Variants in PTPRD observed in about 807,000 individuals in gnomAD.
PTPRD encodes the protein receptor-type tyrosine-protein phosphatase delta.
In PTPRD, 34 loss-of-function variants were observed where a neutral mutation model predicts 214.5. That is an observed-to-expected ratio of 0.16 (90% CI 0.12 to 0.21). The LOEUF (loss-of-function observed/expected upper bound fraction) is 0.21. PTPRD is among the 10% of genes least tolerant of loss of function. PTPRD has a pLI of 1.00. For synonymous variants in PTPRD, 1,128 were observed against 845.7 expected (o/e 1.33, Z -5.79); for missense variants, 2,545 against 2,398.7 (o/e 1.06, Z -1.27).
At chr9:8,602,254 T>G (rs1447483624) in intron 14 of PTPRD, among the ~76,000 whole-genome samples, 2 of 152,202 alleles carry the variant, frequency 1.3e-5, no homozygotes, top group East Asian at 3.9e-4. Flanking sequence ...ACAATTAAGG[T>G]GTTTACAATT....
rs183256174 is a variant in PTPRD, at chr9:10,481,588, A to G, written c.-600+130810T>C. On this transcript the variant is annotated intron_variant, in intron 2 of 45. Transcript: ENST00000381196. ...TTAGCCTCATGAGAAAGAAGTTAAA[A>G]TATAGTTTTTGAATGCATAAGTGAA... 2.1e-3 allele frequency among the ~76,000 whole-genome samples: 313 copies of G among 152,332 alleles called. 4 individuals carry two copies. The highest frequency in any genetic ancestry group is 2.9e-3 in the Non-Finnish European group (200 of 68,014).
intron 2 of PTPRD, among the ~76,000 whole-genome samples, chr9:10,458,088 G>A (rs112261233): frequency 0.012 from 1,826 of 151,930 alleles, 33 homozygotes; most frequent in African/African-American, 0.04. Flanking sequence ...GAAAAACCCA[G>A]GACCCAATGG....
At chr9:10,595,661 T>C (rs1186206598) in intron 2 of PTPRD, among the ~76,000 whole-genome samples, 3 of 151,388 alleles carry the variant, frequency 2.0e-5, no homozygotes, top group Admixed American at 6.6e-5. Context: ...ATTATATATT[T>C]ATAATAAAAA....
At chr9:9,410,653 G>A (rs1027290502) in intron 8 of PTPRD, among the ~76,000 whole-genome samples, 2 of 152,134 alleles carry the variant, frequency 1.3e-5, no homozygotes, top group Non-Finnish European at 2.9e-5. Context: ...AAGTTTTAGG[G>A]ATTAGAATTA....
rs749709602 is a variant in PTPRD, at chr9:9,208,020, C to CTTTTT, written c.-202-24662_-202-24658dup. On this transcript the variant is annotated intron_variant, in intron 9 of 45. Transcript: ENST00000381196. ...TGGTATGGCTATTCATATATATCTG[C>CTTTTT]TTTTTTTTTTTTTTTTTGAGACAGA... is the stretch of plus-strand genomic sequence containing the variant. Among the ~76,000 whole-genome samples, 90 of 53,264 alleles carry CTTTTT rather than the reference C, an allele frequency of 1.7e-3. 34 individuals carry two copies. The East Asian group carries it at 0.034, about 20-fold the overall frequency. 34.9% of individuals were successfully genotyped at this position (53,264 alleles called of 152,430 possible).
At chr9:8,636,895 T>C in intron 12 of PTPRD, 51 bp from the exon 13 acceptor site, 2 of 1,582,864 alleles carry the variant, frequency 1.3e-6, no homozygotes, top group East Asian at 2.3e-5. Flanking sequence ...AAATACAGAC[T>C]ATTATCCTAC....
At chr9:9,655,823 C>T (rs533874892) in intron 7 of PTPRD, among the ~76,000 whole-genome samples, 1 of 151,514 alleles carries the variant, frequency 6.6e-6, no homozygotes, top group African/African-American at 2.4e-5. Flanking sequence ...ACTAAAAATG[C>T]AAAAATTAGC....
chr9:8,839,018 A>T (rs371019371), intron 11 of PTPRD, among the ~76,000 whole-genome samples: 1 of 152,158 alleles, frequency 6.6e-6, no homozygotes, highest in East Asian at 1.9e-4. Context: ...AGACATTTTC[A>T]GCACCTTGTA....
chr9:9,132,681 A>G (rs2099844616), intron 10 of PTPRD, among the ~76,000 whole-genome samples: 1 of 152,186 alleles, frequency 6.6e-6, no homozygotes, highest in Non-Finnish European at 1.5e-5. Flanking sequence ...GCTTCATTCA[A>G]TTTACTTTGT....
At chr9:9,762,010 G>C (rs993143358) in intron 6 of PTPRD, among the ~76,000 whole-genome samples, 11 of 152,152 alleles carry the variant, frequency 7.2e-5, no homozygotes, top group Admixed American at 6.6e-5. Context: ...TTCTGGAGGA[G>C]AGAAAGTCCA....
At chr9:10,072,432 A>T (rs572470322) in intron 3 of PTPRD, among the ~76,000 whole-genome samples, 71 of 152,110 alleles carry the variant, frequency 4.7e-4, no homozygotes, top group Non-Finnish European at 9.0e-4. Context: ...AGTGAGCGTT[A>T]TAGCTCTTCA....
At chr9:10,191,756 T>C (rs934214273) in intron 3 of PTPRD, among the ~76,000 whole-genome samples, 4 of 152,174 alleles carry the variant, frequency 2.6e-5, no homozygotes, top group African/African-American at 7.2e-5. Flanking sequence ...AGTGTTCTCA[T>C]AGTATTTTTT....
At chr9:9,940,260 A>C (rs2091046952) in intron 4 of PTPRD, among the ~76,000 whole-genome samples, 1 of 152,010 alleles carries the variant, frequency 6.6e-6, no homozygotes, top group African/African-American at 2.4e-5. Flanking sequence ...GCACAGATGG[A>C]AGTCTGAGGA....
At chr9:9,741,437 C>A (rs988767524) in intron 6 of PTPRD, among the ~76,000 whole-genome samples, 1 of 112,064 alleles carries the variant, frequency 8.9e-6, no homozygotes, top group Admixed American at 1.1e-4. Flanking sequence ...AATCCAGAAA[C>A]GTTTGAGTTG....
chr9:10,479,360 A>G (rs2099082275), intron 2 of PTPRD, among the ~76,000 whole-genome samples: 1 of 152,084 alleles, frequency 6.6e-6, no homozygotes, highest in South Asian at 2.1e-4. Flanking sequence ...GTGGAAAAAA[A>G]CAAAGGGAGA....
At chr9:9,699,180 G>A (rs1406844461) in intron 7 of PTPRD, among the ~76,000 whole-genome samples, 1 of 151,776 alleles carries the variant, frequency 6.6e-6, no homozygotes, top group Non-Finnish European at 1.5e-5. Flanking sequence ...ACATAGTTCT[G>A]GTACTTACAT....
chr9:8,758,573 G>A (rs2094182358), intron 11 of PTPRD, among the ~76,000 whole-genome samples: 2 of 152,086 alleles, frequency 1.3e-5, no homozygotes, highest in African/African-American at 4.8e-5. Context: ...CTGTCACACA[G>A]AAGTAACAAA....
chr9:10,462,244 T>C (rs540041517), intron 2 of PTPRD, among the ~76,000 whole-genome samples: 1 of 152,140 alleles, frequency 6.6e-6, no homozygotes, highest in African/African-American at 2.4e-5. Context: ...AAAATTGCCT[T>C]TCTCTCTTAA....
rs1230783419 is a variant in PTPRD, at chr9:8,394,405, C to T, written c.4211-4998G>A. Among the ~76,000 whole-genome samples the T allele has an allele frequency of 3.9e-5, 6 of 152,206 alleles. No individual in the cohort carries two copies. In the East Asian group the frequency reaches 1.2e-3, roughly 29 times the overall value. On this transcript the variant is annotated intron_variant, in intron 36 of 45. Transcript: ENST00000381196. ...CCTAAGGGGAAGGATCATAATTTTG[C>T]ATCACATTACACTGTAGGTAAAGTC...
Sources: gnomAD v4.1 joint callset for allele counts (sites outside exome capture counted in the v4.1 genomes callset) on GRCh38, gnomAD v4.1.1 for gene constraint, MANE v1.5 for transcripts, NCBI Gene and HGNC (gene_info 2026-07-23, HGNC 2026-07-21) for gene names.